Variants in TLN2 observed in about 807,000 individuals in gnomAD.
TLN2 encodes talin-2.
In TLN2, 118 loss-of-function variants were observed where a neutral mutation model predicts 294.7. That is an observed-to-expected ratio of 0.40 (90% confidence interval 0.34 to 0.47). TLN2 has a LOEUF of 0.47. Ranked by LOEUF, TLN2 falls within the 20% of genes least tolerant of loss-of-function variation. The pLI is 0.84. For missense variants in TLN2, 3,083 were observed against 3,282.2 expected (o/e 0.94, Z 1.48); for synonymous variants, 1,431 against 1,304.5 (o/e 1.10, Z -2.09).
At chr15:62,744,351 G>T (rs911190181) in intron 32 of TLN2, among the ~76,000 whole-genome samples, 1 of 149,662 alleles carries the variant, frequency 6.7e-6, no homozygotes, top group Non-Finnish European at 1.5e-5. Context: ...CCATTAGATT[G>T]CAAACACCTT....
intron 58 of TLN2, among the ~76,000 whole-genome samples, chr15:62,839,232 G>A (rs1457990298): frequency 6.6e-6 from 1 of 152,186 alleles, no homozygotes; most frequent in Non-Finnish European, 1.5e-5. Flanking sequence ...GGCAGGAAGA[G>A]GGAAAGGAGG....
At position 62,797,391 on chromosome 15, in the gene TLN2, C is replaced by T. The variant is rs945557029; in HGVS notation, c.6223C>T (p.Pro2075Ser). 6 of 1,597,982 alleles carry T rather than the reference C, an allele frequency of 3.8e-6. No homozygotes were observed. Among genetic ancestry groups the T allele is most frequent in the Non-Finnish European group, 5.1e-6 (6 of 1,173,836 alleles). ...LGAASLGSDD[P>S]ETQVVLINAI... ...GGCAGCCAGCCTGGGCTCCGACGACCCCGAGACCCAGGTACCAGCAGGGCC... is the reference window on the plus strand; with the variant it reads ...GGCAGCCAGCCTGGGCTCCGACGACTCCGAGACCCAGGTACCAGCAGGGCC... Residue 2075 changes from proline (P) to serine (S), a missense_variant, in exon 48 of 59, where the codon CCC (proline) becomes TCC (serine). Transcript: ENST00000636159.
chr15:62,757,966 G>A (rs932818560), intron 37 of TLN2, among the ~76,000 whole-genome samples: 1 of 152,210 alleles, frequency 6.6e-6, no homozygotes, highest in Admixed American at 6.5e-5. Context: ...TAGATTTCCT[G>A]TTTGAAGGAA....
At chr15:62,634,442 A>G (rs535376428) in intron 3 of TLN2, among the ~76,000 whole-genome samples, 5 of 152,332 alleles carry the variant, frequency 3.3e-5, no homozygotes, top group African/African-American at 1.2e-4. Context: ...GGTTGTGGAG[A>G]TACAACAAAC....
chr15:62,800,785 T>C lies in TLN2; in HGVS notation c.6477+16T>C. ...GGAGCTTACGGTAAGGAGCCAGCAG[T>C]TACCTCCCTTGGGTACCAGAGTCCC... On this transcript the variant is annotated intron_variant, in intron 50 of 58. Transcript: ENST00000636159. The C allele has an allele frequency of 6.3e-7, 1 of 1,599,822 alleles. No homozygotes were observed. Among genetic ancestry groups the C allele is most frequent in the Non-Finnish European group, 8.5e-7 (1 of 1,171,906 alleles).
intron 22 of TLN2, among the ~76,000 whole-genome samples, chr15:62,715,506 A>T (rs2059707398): frequency 6.6e-6 from 1 of 152,184 alleles, no homozygotes; most frequent in Admixed American, 6.5e-5. Flanking sequence ...ATAGAGTTAA[A>T]ATTATATCCT....
intron 1 of TLN2, among the ~76,000 whole-genome samples, chr15:62,541,886 T>A (rs1238010399): frequency 6.6e-6 from 1 of 151,962 alleles, no homozygotes; most frequent in Non-Finnish European, 1.5e-5. Context: ...ACTGTCAGCC[T>A]TTTTATGTAT....
chr15:62,579,266 A>G (rs1454956213), intron 1 of TLN2, among the ~76,000 whole-genome samples: 1 of 152,152 alleles, frequency 6.6e-6, no homozygotes, highest in African/African-American at 2.4e-5. Flanking sequence ...TCAGGTGGCA[A>G]TTTTATGAAA....
chr15:62,653,057 G>T, intron 6 of TLN2, 105 bp from the exon 7 acceptor site: 2 of 941,358 alleles, frequency 2.1e-6, no homozygotes, highest in South Asian at 4.6e-5. Flanking sequence ...GGCCGTTTCT[G>T]GTTCTTTGCC....
At chr15:62,600,207 T>G (rs755740406) in intron 2 of TLN2, among the ~76,000 whole-genome samples, 69 of 152,196 alleles carry the variant, frequency 4.5e-4, no homozygotes, top group Non-Finnish European at 2.8e-4. Flanking sequence ...AAGAGGGCTG[T>G]TCAGGACTGA....
chr15:62,507,093 C>T (rs2039660632), intron 1 of TLN2, among the ~76,000 whole-genome samples: 1 of 152,050 alleles, frequency 6.6e-6, no homozygotes, highest in Non-Finnish European at 1.5e-5. Flanking sequence ...ATCTCGTTTT[C>T]CCCCAAAGAA....
In TLN2 at chr15:62,738,302, G is replaced by T. The variant is rs764647173; in HGVS notation, c.3656G>T (p.Gly1219Val). Residue 1219 changes from glycine to valine, a missense_variant, in exon 30 of 59, where the codon GGG (glycine) becomes GTG (valine). Gly to Val is a moderately radical substitution (Grantham distance 109). Coordinates refer to ENST00000636159, the MANE Select transcript of TLN2 (RefSeq NM_015059.3). Reference sequence around the variant, plus strand: ...GTGGACGTGGCCTTGAAGAGCATCGGGGAGTCCAGCAAGAAGCTGCTTGTG... The same window carrying T: ...GTGGACGTGGCCTTGAAGAGCATCGTGGAGTCCAGCAAGAAGCTGCTTGTG... ...KDVDVALKSI[G>V]ESSKKLLVDS... The T allele has an allele frequency of 6.2e-7, 1 of 1,614,104 alleles. No homozygotes were observed.
Position 62,763,548 on chromosome 15 carries a change from C to A in TLN2, c.4962-15C>A, listed in dbSNP as rs374980182. 1.9e-6 allele frequency: 3 copies of A among 1,599,496 alleles called. No individual in the cohort carries two copies. The highest frequency in any genetic ancestry group is 1.7e-5 in the Admixed American group (1 of 59,430). On this transcript the variant is annotated splice_polypyrimidine_tract_variant and intron_variant, in intron 39 of 58. Coordinates refer to ENST00000636159, the MANE Select transcript of TLN2 (RefSeq NM_015059.3). ...CCCCATGGAGCCTGTGTCCAACTTG[C>A]ACTATTCCTTCCAGGGACAAGGCCC...
chr15:62,573,342 C>T (rs1456064209), intron 1 of TLN2, among the ~76,000 whole-genome samples: 1 of 152,124 alleles, frequency 6.6e-6, no homozygotes, highest in Non-Finnish European at 1.5e-5. Context: ...TTGTGCCCCC[C>T]TCTGCCCTCC....
At chr15:62,462,302 G>C (rs962800941) in intron 1 of TLN2, among the ~76,000 whole-genome samples, 2 of 152,180 alleles carry the variant, frequency 1.3e-5, no homozygotes, top group Non-Finnish European at 2.9e-5. Flanking sequence ...GGAAGAAGGA[G>C]CACCAGTGTG....
chr15:62,673,814 GTCTC>G lies in TLN2; in HGVS notation c.789-7_789-4del, dbSNP rs1308092770. 3.1e-6 allele frequency: 5 copies of G among 1,606,462 alleles called. No homozygotes were observed. The highest frequency in any genetic ancestry group is 1.3e-5 in the African/African-American group (1 of 74,528). On this transcript the variant is annotated splice_polypyrimidine_tract_variant and intron_variant, in intron 9 of 58. Coordinates refer to ENST00000636159, the MANE Select transcript of TLN2 (RefSeq NM_015059.3). ...TGATAAATGCCTTTCCTTTTTAAAT[GTCTC>G]TCTCTTAGTCTGAAGGAATTCCTGC...
At chr15:62,783,719 CTCTGTGTGTGTGTGTG>C in intron 44 of TLN2, 36 bp from the exon 45 acceptor site, 1 of 1,458,236 alleles carries the variant, frequency 6.9e-7, no homozygotes, top group South Asian at 1.3e-5. Flanking sequence ...ATGCGTTTCT[CTCTGTGTGTGTGTGTG>C]TGTGTGTGTG....
chr15:62,576,088 G>A (rs762539189), intron 1 of TLN2, among the ~76,000 whole-genome samples: 22 of 152,202 alleles, frequency 1.4e-4, no homozygotes, highest in Non-Finnish European at 2.8e-4. Context: ...CTAAGGTAGT[G>A]GTGATTGTCT....
At chr15:62,787,963 A>G (rs62004650) in intron 45 of TLN2, among the ~76,000 whole-genome samples, 1,829 of 145,232 alleles carry the variant, frequency 0.013, 17 homozygotes, top group Non-Finnish European at 0.017. Flanking sequence ...AAGTGCTGGG[A>G]TTACAGGCGT....
Sources: gnomAD v4.1 joint callset for allele counts (sites outside exome capture counted in the v4.1 genomes callset) on GRCh38, gnomAD v4.1.1 for gene constraint, MANE v1.5 for transcripts, NCBI Gene and HGNC (gene_info 2026-07-23, HGNC 2026-07-21) for gene names.